The following FBXL17 variants were observed in gnomAD, a reference collection of about 807,000 sequenced individuals.
The protein encoded by FBXL17 is F-box and leucine rich repeat protein 17.
A neutral mutation model predicts 66.2 loss-of-function variants in FBXL17; 22 were observed. The observed-to-expected ratio is 0.33, with a 90% CI of 0.24 to 0.47. The LOEUF (loss-of-function observed/expected upper bound fraction) is 0.47. FBXL17 is among the 20% of genes least tolerant of loss of function. The pLI is 1.00. For synonymous variants in FBXL17, 474 were observed against 400.5 expected (o/e 1.18, Z -2.19); for missense variants, 878 against 948.2 (o/e 0.93, Z 0.97).
At chr5:108,225,970 A>AT (rs1414737493) in intron 4 of FBXL17, among the ~76,000 whole-genome samples, 1 of 152,018 alleles carries the variant, frequency 6.6e-6, no homozygotes, top group Admixed American at 6.6e-5. Context: ...AGTCTACCTC[A>AT]TCTCAGTCCT....
At chr5:108,135,943 C>A (rs560432503) in intron 6 of FBXL17, among the ~76,000 whole-genome samples, 44 of 152,172 alleles carry the variant, frequency 2.9e-4, no homozygotes, top group African/African-American at 1.0e-3. Context: ...AGGCCTCCAA[C>A]ATAGTTTTTT....
intron 4 of FBXL17, among the ~76,000 whole-genome samples, chr5:108,322,714 T>C (rs922069568): frequency 6.6e-6 from 1 of 152,050 alleles, no homozygotes. Flanking sequence ...TCTCAAATCA[T>C]CTATTAAATT....
intron 7 of FBXL17, among the ~76,000 whole-genome samples, chr5:107,897,396 G>C (rs1384154109): frequency 1.3e-5 from 2 of 152,152 alleles, no homozygotes; most frequent in African/African-American, 2.4e-5. Context: ...GAAAGGAAAA[G>C]ATGAATACCA....
intron 3 of FBXL17, among the ~76,000 whole-genome samples, chr5:108,352,801 G>T (rs1026282641): frequency 6.6e-6 from 1 of 152,154 alleles, no homozygotes; most frequent in Non-Finnish European, 1.5e-5. Context: ...GAGCCACTGC[G>T]CCTGGACGAA....
intron 6 of FBXL17, among the ~76,000 whole-genome samples, chr5:108,055,452 A>G (rs1747664338): frequency 6.6e-6 from 1 of 151,392 alleles, no homozygotes; most frequent in Non-Finnish European, 1.5e-5. Flanking sequence ...ACTAACAAAT[A>G]CAAAAAATTA....
intron 6 of FBXL17, among the ~76,000 whole-genome samples, chr5:108,107,037 T>C (rs1231014147): frequency 1.3e-5 from 2 of 152,126 alleles, no homozygotes; most frequent in African/African-American, 4.8e-5. Context: ...AAAAATCAAT[T>C]ATGTAAAATT....
intron 7 of FBXL17, among the ~76,000 whole-genome samples, chr5:107,978,908 T>C (rs1434131306): frequency 6.6e-6 from 1 of 152,188 alleles, no homozygotes; most frequent in Non-Finnish European, 1.5e-5. Context: ...GAAGAATTTG[T>C]CAGGAGATTA....
chr5:108,127,044 T>C (rs1208566372), intron 6 of FBXL17, among the ~76,000 whole-genome samples: 1 of 152,178 alleles, frequency 6.6e-6, no homozygotes, highest in Non-Finnish European at 1.5e-5. Context: ...TTACTTCAGA[T>C]TAAACATGAT....
At chr5:108,251,995 T>C (rs187018742) in intron 4 of FBXL17, among the ~76,000 whole-genome samples, 2 of 152,214 alleles carry the variant, frequency 1.3e-5, no homozygotes, top group Non-Finnish European at 2.9e-5. Context: ...ATAATGAACA[T>C]TCTTGACATG....
At chr5:108,247,259 G>C (rs533867015) in intron 4 of FBXL17, among the ~76,000 whole-genome samples, 1 of 152,054 alleles carries the variant, frequency 6.6e-6, no homozygotes, top group African/African-American at 2.4e-5. Context: ...AACGAAGATA[G>C]AGGATACAAA....
At chr5:108,133,329 G>A (rs545508093) in intron 6 of FBXL17, among the ~76,000 whole-genome samples, 10 of 152,140 alleles carry the variant, frequency 6.6e-5, no homozygotes, top group Middle Eastern at 3.4e-3. Flanking sequence ...CATGGGAGAA[G>A]TGGCCATGAA....
intron 4 of FBXL17, among the ~76,000 whole-genome samples, chr5:108,268,558 A>G (rs1757136601): frequency 6.6e-6 from 1 of 151,992 alleles, no homozygotes; most frequent in African/African-American, 2.4e-5. Flanking sequence ...TCCTTCCCTG[A>G]TAAACTGTTC....
rs1416802441 is a variant in FBXL17 at position 108,274,236 on chromosome 5, G to A, written c.1507-50008C>T. 3.3e-5 allele frequency among the ~76,000 whole-genome samples: 5 copies of A among 152,178 alleles called. No homozygotes were observed. The East Asian group carries it at 9.6e-4, about 29-fold the overall frequency. ...AAGCCTGGGCGTGCTACGGGAGACT[G>A]GAGTCTATCTCACCTCTGCAGTCTC... On this transcript the variant is annotated intron_variant, in intron 4 of 8. Transcript: ENST00000542267.
chr5:108,216,208 T>C (rs564207832), intron 5 of FBXL17, among the ~76,000 whole-genome samples: 1 of 152,114 alleles, frequency 6.6e-6, no homozygotes, highest in Non-Finnish European at 1.5e-5. Flanking sequence ...AATTTCAATA[T>C]CAGATTTTCC....
intron 7 of FBXL17, among the ~76,000 whole-genome samples, chr5:107,980,689 C>T (rs1450020604): frequency 2.7e-5 from 2 of 73,748 alleles, no homozygotes; most frequent in African/African-American, 1.8e-4. Context: ...TGGAGTCTTG[C>T]TCTGTCGCCC....
At chr5:107,922,303 A>G (rs1750351251) in intron 7 of FBXL17, among the ~76,000 whole-genome samples, 1 of 152,132 alleles carries the variant, frequency 6.6e-6, no homozygotes, top group African/African-American at 2.4e-5. Flanking sequence ...AGAGCTTTTC[A>G]ATTATCTTTT....
At chr5:108,332,941 CAAAAAA>C (rs34218940) in intron 4 of FBXL17, among the ~76,000 whole-genome samples, 7 of 34,766 alleles carry the variant, frequency 2.0e-4, no homozygotes, top group Admixed American at 8.7e-4. Context: ...AAAGCAAAAG[CAAAAAA>C]AAAAAAAAAA....
At chr5:108,345,741 A>C (rs1474077159) in intron 4 of FBXL17, among the ~76,000 whole-genome samples, 1 of 152,074 alleles carries the variant, frequency 6.6e-6, no homozygotes, top group Admixed American at 6.6e-5. Context: ...TATGTCACAG[A>C]AATATACAAA....
chr5:108,179,609 C>A (rs1457797367), intron 6 of FBXL17, among the ~76,000 whole-genome samples: 3 of 152,106 alleles, frequency 2.0e-5, no homozygotes, highest in South Asian at 2.1e-4. Flanking sequence ...ACTAGTCCAA[C>A]CCTCCTTATA....
Sources: allele counts gnomAD v4.1 joint callset (sites outside exome capture counted in the v4.1 genomes callset), GRCh38; gene constraint gnomAD v4.1.1; transcripts MANE v1.5; gene names NCBI Gene and HGNC (gene_info 2026-07-23, HGNC 2026-07-21).